Variants in GRHL3 observed in about 807,000 individuals in gnomAD.
The protein encoded by GRHL3 is grainyhead-like protein 3 homolog.
GRHL3 carries 20 observed loss-of-function variants against 70.3 expected under a neutral mutation model. That is an observed-to-expected ratio of 0.28 (90% confidence interval 0.20 to 0.41). The LOEUF (loss-of-function observed/expected upper bound fraction) is 0.41. Ranked by LOEUF, GRHL3 falls within the 10% of genes least tolerant of loss-of-function variation. The pLI is 1.00. For synonymous variants in GRHL3, 299 were observed against 299.9 expected (o/e 1.00, Z 0.03); for missense variants, 637 against 762.3 (o/e 0.84, Z 1.94).
At chr1:24,350,245 A>G in intron 15 of GRHL3, 123 bp downstream of exon 15, 1 of 696,142 alleles carries the variant, frequency 1.4e-6, no homozygotes, top group African/African-American at 1.8e-5. Context: ...GCCAGGCCAA[A>G]GCCACTGGTC....
downstream of GRHL3, chr1:24,358,692 C>T: frequency 7.9e-7 from 1 of 1,271,060 alleles, no homozygotes; most frequent in South Asian, 1.3e-5. Context: ...CATTCTACCT[C>T]AGAGCTGGAA....
chr1:24,360,262 T>G (rs564908076), downstream of GRHL3, among the ~76,000 whole-genome samples: 1 of 152,136 alleles, frequency 6.6e-6, no homozygotes. Flanking sequence ...CTAGCCAACA[T>G]AGCGAACCCC....
intron 5 of GRHL3, 94 bp downstream of exon 5, chr1:24,337,245 A>C: frequency 1.2e-6 from 1 of 833,202 alleles, no homozygotes; most frequent in Non-Finnish European, 1.9e-6. Flanking sequence ...AGCAGGCACA[A>C]TCAATTAATG....
Position 24,346,508 on chromosome 1 carries a change from G to C in GRHL3, c.1455-45G>C, listed in dbSNP as rs147894482. The stretch of plus-strand genomic sequence containing the variant: ...CCCAGCAGGGTCCTTGAGCCTCTAG[G>C]GGTCCCCAAGTTTCTCACAAGCTCC... On this transcript the variant is annotated intron_variant, in intron 12 of 15. Coordinates refer to ENST00000361548, the MANE Select transcript of GRHL3 (RefSeq NM_198173.3). 2.7e-4 allele frequency: 382 copies of C among 1,420,554 alleles called. 3 individuals carry two copies. The East Asian group carries it at 8.6e-3, about 32-fold the overall frequency. The allele number at this position is 1,420,554 out of a possible 1,614,324, so 88.0% of individuals were successfully genotyped here. A position where few individuals can be genotyped will look rare whatever the true frequency, so the allele number is the denominator to read the frequency against.
At chr1:24,339,615 T>A in intron 7 of GRHL3, 53 bp from the exon 8 acceptor site, 1 of 1,290,600 alleles carries the variant, frequency 7.7e-7, no homozygotes, top group Non-Finnish European at 1.1e-6. Flanking sequence ...CCTCCTCAAG[T>A]GGTCCCAGAT....
At chr1:24,362,739 C>A (rs1314016302) in intron 15 of GRHL3, among the ~76,000 whole-genome samples, 3 of 152,172 alleles carry the variant, frequency 2.0e-5, no homozygotes, top group Non-Finnish European at 2.9e-5. Flanking sequence ...AGGGGACACC[C>A]CCCTGGTCAG....
At chr1:24,352,789 G>A (rs1000450222) in intron 15 of GRHL3, among the ~76,000 whole-genome samples, 3 of 152,110 alleles carry the variant, frequency 2.0e-5, no homozygotes, top group African/African-American at 7.2e-5. Flanking sequence ...TGCCCAAAGA[G>A]CCCTCTGTGA....
intron 6 of GRHL3, 67 bp from the exon 7 acceptor site, chr1:24,337,925 A>C: frequency 6.5e-7 from 1 of 1,538,960 alleles, no homozygotes; most frequent in South Asian, 1.2e-5. Flanking sequence ...CTGAGGCAAA[A>C]GGGCAGGCCA....
chr1:24,336,943 T>A, intron 4 of GRHL3, 116 bp downstream of exon 4: 1 of 1,203,620 alleles, frequency 8.3e-7, no homozygotes, highest in Non-Finnish European at 1.2e-6. Context: ...ATCCTAGAGC[T>A]GAGACGGGAT....
chr1:24,319,360 C>A lies in GRHL3; in HGVS notation c.-192C>A, dbSNP rs1364030031. ...GCACCTGTTGAGGTATACCTCCAGT[C>A]GCCGGCACCTGTACCTGTAGCCAAT... On this transcript the variant is annotated 5_prime_UTR_variant, in exon 1 of 16. Coordinates refer to ENST00000361548, the MANE Select transcript of GRHL3 (RefSeq NM_198173.3). The A allele has an allele frequency of 1.5e-6, 1 of 656,244 alleles. No individual in the cohort carries two copies. The highest frequency in any genetic ancestry group is 1.7e-5 in the South Asian group (1 of 59,176). The allele number at this position is 656,244 out of a possible 1,614,324, so 40.7% of individuals were successfully genotyped here. A position where few individuals can be genotyped will look rare whatever the true frequency, so the allele number is the denominator to read the frequency against.
chr1:24,331,148 C>A (rs1406700015), intron 1 of GRHL3, among the ~76,000 whole-genome samples: 1 of 152,220 alleles, frequency 6.6e-6, no homozygotes, highest in Non-Finnish European at 1.5e-5. Context: ...TTTATTGAAT[C>A]CACTCTGTAG....
intron 3 of GRHL3, among the ~76,000 whole-genome samples, chr1:24,336,215 G>T (rs980102816): frequency 4.2e-5 from 6 of 142,496 alleles, no homozygotes; most frequent in Non-Finnish European, 6.2e-5. Context: ...AACTTTCAGG[G>T]TTTTTTTTTT....
chr1:24,347,514 C>T lies in GRHL3; in HGVS notation c.1590C>T (p.Leu530=). 1 of 1,614,190 alleles carries T rather than the reference C, an allele frequency of 6.2e-7. No individual in the cohort carries two copies. The highest frequency in any genetic ancestry group is 1.1e-5 in the South Asian group (1 of 91,080). The change falls in exon 14 of 16, where the codon CTC becomes CTT. Residue 530 remains leucine (L), a synonymous_variant. Coordinates refer to ENST00000361548, the MANE Select transcript of GRHL3 (RefSeq NM_198173.3). ...RRETEEVFDA[L]MLKTPDLKGL... The stretch of plus-strand genomic sequence containing the variant: ...AGACTGAGGAGGTGTTTGACGCGCT[C>T]ATGTTGAAGACCCCAGACCTGAAGG...
At chr1:24,331,634 A>G (rs201390983) in intron 2 of GRHL3, 22 bp downstream of exon 2, 1 of 1,596,582 alleles carries the variant, frequency 6.3e-7, no homozygotes, top group Non-Finnish European at 8.6e-7. Flanking sequence ...CCCTCTGGAC[A>G]TGCCCCGTTT....
exon 16 of GRHL3, chr1:24,364,351 T>C (rs920830003): frequency 1.3e-6 from 2 of 1,545,558 alleles, no homozygotes; most frequent in Non-Finnish European, 1.7e-6. Context: ...CAGCCTGCAC[T>C]TCACTGTAAA....
chr1:24,347,654 G>T, intron 14 of GRHL3, 101 bp downstream of exon 14: 1 of 988,222 alleles, frequency 1.0e-6, no homozygotes, highest in South Asian at 1.4e-5. Context: ...AGGGAACCTT[G>T]GCATGCCGGT....
At position 24,321,522 on chromosome 1, in the gene GRHL3, G is replaced by T. The variant is rs1298960029; in HGVS notation, c.17+1954G>T. The T allele has an allele frequency of 1.3e-5, 2 of 152,256 alleles. No homozygotes were observed. Among genetic ancestry groups the T allele is most frequent in the Non-Finnish European group, 1.5e-5 (1 of 68,052 alleles). The allele number at this position is 152,256 out of a possible 1,614,324, so 9.4% of individuals were successfully genotyped here. On this transcript the variant is annotated intron_variant, in intron 1 of 15. Coordinates refer to ENST00000361548, the MANE Select transcript of GRHL3 (RefSeq NM_198173.3). This position sits in a 1 kb window ranked among gnomAD's most constrained non-coding sequence, Gnocchi z 4.0. ...TTACAGCTTGGGCCCTCATGGAATG[G>T]CCAACTCTGGCCAGGCCTTGATATA...
rs756415680 is a variant in GRHL3 at position 24,336,648 on chromosome 1, G to A, written c.433G>A (p.Ala145Thr). ...GGGGGCCTTGCCCACCCCTGGCAAG[G>A]CAGCTCCCCTCCCTGCAGGCCCCAG... The part of the protein sequence containing the change: ...LEGALPTPGK[A>T]APLPAGPSKL... Residue 145 changes from alanine (A) to threonine (T), a missense_variant, in exon 4 of 16, where the codon GCA becomes ACA. Coordinates refer to ENST00000361548, the MANE Select transcript of GRHL3 (RefSeq NM_198173.3). The A allele has an allele frequency of 6.2e-7, 1 of 1,614,094 alleles. No homozygotes were observed.
At chr1:24,345,519 A>G (rs1640244676) in intron 12 of GRHL3, among the ~76,000 whole-genome samples, 1 of 151,868 alleles carries the variant, frequency 6.6e-6, no homozygotes, top group African/African-American at 2.4e-5. Context: ...AAAGTCGGCG[A>G]ATCTCTGGCG....
Sources: allele counts gnomAD v4.1 joint callset (sites outside exome capture counted in the v4.1 genomes callset), GRCh38; gene constraint gnomAD v4.1.1; non-coding constraint Gnocchi (gnomAD v3.1); transcripts MANE v1.5; gene names NCBI Gene and HGNC (gene_info 2026-07-23, HGNC 2026-07-21).